AJAP1: variants seen among roughly 807,000 people sequenced by gnomAD.
The protein encoded by AJAP1 is adherens junctions associated protein 1.
A neutral mutation model predicts 35.0 loss-of-function variants in AJAP1; 5 were observed. The ratio of observed to expected loss-of-function variants is 0.14; its 90% CI spans 0.07 to 0.30. The LOEUF is 0.30. Ranked by LOEUF, AJAP1 falls within the 10% of genes least tolerant of loss-of-function variation. The pLI, the probability that AJAP1 is intolerant of heterozygous loss-of-function variation, is 1.00. For synonymous variants in AJAP1, 284 were observed against 249.3 expected (o/e 1.14, Z -1.31); for missense variants, 586 against 571.0 (o/e 1.03, Z -0.27).
At position 4,718,697 on chromosome 1, in the gene AJAP1, G is replaced by A. The variant is rs1235265922; in HGVS notation, c.829+5998G>A. Among the ~76,000 whole-genome samples, 4 of 152,044 alleles carry A rather than the reference G, an allele frequency of 2.6e-5. No homozygotes were observed. In the East Asian group the frequency reaches 7.7e-4, roughly 29 times the overall value. ...AGGGTTTCACTATGTTGGCCAGGATGGTCTCGATCTCTTGACCTCATGATC... is the reference window on the plus strand; with the variant it reads ...AGGGTTTCACTATGTTGGCCAGGATAGTCTCGATCTCTTGACCTCATGATC... On this transcript the variant is annotated intron_variant, in intron 2 of 5. Coordinates refer to ENST00000378191, the MANE Select transcript of AJAP1 (RefSeq NM_018836.4).
Position 4,786,432 on chromosome 1 carries a change from G to A in AJAP1, c.*3947G>A, listed in dbSNP as rs924650933. 2.0e-5 allele frequency: 3 copies of A among 152,138 alleles called. No homozygotes were observed. Among genetic ancestry groups the A allele is most frequent in the Non-Finnish European group, 4.4e-5 (3 of 68,034 alleles). 9.4% of individuals were successfully genotyped at this position (152,138 alleles called of 1,614,324 possible). On this transcript the variant is annotated 3_prime_UTR_variant, in exon 6 of 6. Coordinates refer to ENST00000378191, the MANE Select transcript of AJAP1 (RefSeq NM_018836.4). Reference sequence around the variant, plus strand: ...TTTGAATCGGGACACCAGGAAACCCGTTACTACTAATGTGATCTTACCATC... The same window carrying A: ...TTTGAATCGGGACACCAGGAAACCCATTACTACTAATGTGATCTTACCATC...
chr1:4,774,222 C>A (rs545570246), intron 4 of AJAP1, among the ~76,000 whole-genome samples: 2 of 152,326 alleles, frequency 1.3e-5, no homozygotes, highest in South Asian at 4.1e-4. Flanking sequence ...TCCAAAGCCT[C>A]CCAGGGTAGA....
At chr1:4,725,266 C>G (rs1318689799) in intron 2 of AJAP1, among the ~76,000 whole-genome samples, 10 of 152,164 alleles carry the variant, frequency 6.6e-5, no homozygotes, top group South Asian at 2.1e-4. Flanking sequence ...AGATGTGCAT[C>G]AGGTTAAGTG....
At chr1:4,713,206 A>C (rs2071999) in intron 2 of AJAP1, among the ~76,000 whole-genome samples, 42,760 of 152,124 alleles carry the variant, frequency 0.28, 6,832 homozygotes, top group East Asian at 0.67. Flanking sequence ...TGACCTCGGT[A>C]GAGGATTAGG....
intron 2 of AJAP1, among the ~76,000 whole-genome samples, chr1:4,726,925 G>A (rs1640675425): frequency 6.6e-6 from 1 of 152,200 alleles, no homozygotes; most frequent in African/African-American, 2.4e-5. Context: ...GGCCCAGAGG[G>A]AAGCTGAGGG....
At chr1:4,682,542 TTTC>T in intron 1 of AJAP1, among the ~76,000 whole-genome samples, 1 of 152,324 alleles carries the variant, frequency 6.6e-6, no homozygotes, top group Non-Finnish European at 1.5e-5. Context: ...GTTGGTCTGG[TTTC>T]TGCTCTTTCC....
chr1:4,749,731 G>T (rs114152380), intron 2 of AJAP1, among the ~76,000 whole-genome samples: 3 of 152,352 alleles, frequency 2.0e-5, no homozygotes, highest in Admixed American at 6.5e-5. Flanking sequence ...ATCCAGGCAG[G>T]TGTTTCATGA....
Position 4,690,372 on chromosome 1 carries a change from C to T in AJAP1, c.30-21528C>T, listed in dbSNP as rs1280837155. ...CCCCACTTTCAGCTACTTGTGTGAC[C>T]TCTTGTTTCAAGGATGGGAGCCCGT... On this transcript the variant is annotated intron_variant, in intron 1 of 5. Transcript: ENST00000378191. Among the ~76,000 whole-genome samples the T allele has an allele frequency of 3.3e-5, 5 of 152,294 alleles. No individual in the cohort carries two copies. The South Asian group carries it at 1.0e-3, about 32-fold the overall frequency.
chr1:4,733,929 A>T (rs1455628611), intron 2 of AJAP1, among the ~76,000 whole-genome samples: 2 of 151,902 alleles, frequency 1.3e-5, no homozygotes, highest in African/African-American at 2.4e-5. Context: ...CCCTTATGAG[A>T]TGTGGATCAA....
intron 2 of AJAP1, among the ~76,000 whole-genome samples, chr1:4,748,616 C>T (rs395145): frequency 0.6 from 91,770 of 151,792 alleles, 28,744 homozygotes; most frequent in Admixed American, 0.66. Context: ...GGCATGATGG[C>T]GTGTGCCTGT....
intron 3 of AJAP1, among the ~76,000 whole-genome samples, chr1:4,770,508 C>T (rs1265751071): frequency 1.3e-5 from 2 of 152,192 alleles, no homozygotes; most frequent in African/African-American, 2.4e-5. Flanking sequence ...GTGTACACAC[C>T]TGATAAGCCC....
Position 4,790,912 on chromosome 1 carries a change from CT to C in AJAP1, c.*8428del, listed in dbSNP as rs1570244137. 2 of 126,714 alleles carry C rather than the reference CT, an allele frequency of 1.6e-5. No individual in the cohort carries two copies. The highest frequency in any genetic ancestry group is 3.4e-5 in the Non-Finnish European group (2 of 59,700). The allele number at this position is 126,714 out of a possible 1,614,324, so 7.8% of individuals were successfully genotyped here. ...AATACTGGTCTTCTCAGAAGTGTTT[CT>C]GTTTTTTTGTTTTTGTTTTTGTTTT... On this transcript the variant is annotated 3_prime_UTR_variant, in exon 6 of 6. Coordinates refer to ENST00000378191, the MANE Select transcript of AJAP1 (RefSeq NM_018836.4).
rs1383484786 is a variant in AJAP1, at chr1:4,723,480, G to A, written c.829+10781G>A. On this transcript the variant is annotated intron_variant, in intron 2 of 5. Coordinates refer to ENST00000378191, the MANE Select transcript of AJAP1 (RefSeq NM_018836.4). The surrounding 1 kb of genome is among the most constrained non-coding windows in gnomAD (Gnocchi z 4.3). ...AGGGGCAATTGGGGGTGATAAGGAAGAGCCCACCGGGAGGAGGTGGCCAGG... is the reference window on the plus strand; with the variant it reads ...AGGGGCAATTGGGGGTGATAAGGAAAAGCCCACCGGGAGGAGGTGGCCAGG... 2.0e-5 allele frequency among the ~76,000 whole-genome samples: 3 copies of A among 152,192 alleles called. No individual in the cohort carries two copies. The highest frequency in any genetic ancestry group is 7.2e-5 in the African/African-American group (3 of 41,452).
At position 4,741,956 on chromosome 1, in the gene AJAP1, C is replaced by T. The variant is rs576328606; in HGVS notation, c.830-27897C>T. Among the ~76,000 whole-genome samples, 6 of 152,304 alleles carry T rather than the reference C, an allele frequency of 3.9e-5. No homozygotes were observed. The South Asian group carries it at 1.2e-3, about 32-fold the overall frequency. ...CTAACTCACATAATAAAGTGGAATC[C>T]CTGAGTGAATAAGACACGGAAAAGG... is the stretch of plus-strand genomic sequence containing the variant. On this transcript the variant is annotated intron_variant, in intron 2 of 5. Coordinates refer to ENST00000378191, the MANE Select transcript of AJAP1 (RefSeq NM_018836.4).
At chr1:4,722,537 T>C (rs921010627) in intron 2 of AJAP1, among the ~76,000 whole-genome samples, 15 of 152,242 alleles carry the variant, frequency 9.9e-5, no homozygotes, top group African/African-American at 3.4e-4. Context: ...CTGTAATGCA[T>C]CACCACAGTC....
chr1:4,730,401 C>T (rs1640770635), intron 2 of AJAP1, among the ~76,000 whole-genome samples: 1 of 152,198 alleles, frequency 6.6e-6, no homozygotes, highest in Admixed American at 6.5e-5. Context: ...ATCCGCAGCT[C>T]ACCCAGCCTG....
intron 1 of AJAP1, 100 bp from the exon 2 acceptor site, chr1:4,711,800 C>T (rs1485098584): frequency 4.4e-6 from 4 of 905,196 alleles, no homozygotes; most frequent in East Asian, 5.9e-5. Flanking sequence ...AAGAAGAGAG[C>T]GTCCTTGTCA....
chr1:4,666,707 GT>G (rs1639131388), intron 1 of AJAP1, among the ~76,000 whole-genome samples: 3 of 57,470 alleles, frequency 5.2e-5, no homozygotes, highest in African/African-American at 8.8e-5. Context: ...CGCGGGAGGG[GT>G]GCGGAGAGGG....
intron 2 of AJAP1, among the ~76,000 whole-genome samples, chr1:4,752,151 GGGAGGAGGAGGGAGGAGA>G (rs1392100311): frequency 1.1e-4 from 16 of 151,740 alleles, no homozygotes; most frequent in South Asian, 8.4e-4. Context: ...ACAGAGGGAG[GGGAGGAGGAGGGAGGAGA>G]GGAGGAGGAG....
Sources: gnomAD v4.1 joint callset for allele counts (sites outside exome capture counted in the v4.1 genomes callset) on GRCh38, gnomAD v4.1.1 for gene constraint, Gnocchi (gnomAD v3.1) non-coding constraint, MANE v1.5 for transcripts, NCBI Gene and HGNC (gene_info 2026-07-23, HGNC 2026-07-21) for gene names.